The following CIT variants were observed in gnomAD, a reference collection of about 807,000 sequenced individuals.
CIT encodes citron rho-interacting serine/threonine kinase.
In CIT, 79 loss-of-function variants were observed where a neutral mutation model predicts 272.7. The ratio of observed to expected loss-of-function variants is 0.29; its 90% CI spans 0.24 to 0.35. The LOEUF is 0.35. Among genes scored for constraint, CIT ranks in the 10% least tolerant of loss-of-function variants. The pLI is 1.00. For missense variants in CIT, 1,909 were observed against 2,618.3 expected (o/e 0.73, Z 5.91); for synonymous variants, 948 against 995.6 (o/e 0.95, Z 0.90).
intron 20 of CIT, among the ~76,000 whole-genome samples, chr12:119,759,232 C>T (rs1026421332): frequency 1.3e-5 from 2 of 152,222 alleles, no homozygotes; most frequent in African/African-American, 2.4e-5. Flanking sequence ...GGCCAGCGAG[C>T]GAGCATTACT....
At position 119,697,260 on chromosome 12, in the gene CIT, A is replaced by G. The variant is rs1028513913; in HGVS notation, c.5882+399T>C. ...CATGCCTTAATCTCTGATTGCCAGC[A>G]TCTCTCCCACTGGGCTGTGAGTGCC... On this transcript the variant is annotated intron_variant, in intron 46 of 47. Transcript: ENST00000392521. The surrounding 1 kb of genome is among the most constrained non-coding windows in gnomAD (Gnocchi z 4.9). 1.7e-4 allele frequency among the ~76,000 whole-genome samples: 26 copies of G among 151,996 alleles called. No homozygotes were observed. Among genetic ancestry groups the G allele is most frequent in the African/African-American group, 5.3e-4 (22 of 41,390 alleles).
chr12:119,834,038 G>A (rs370347209), intron 6 of CIT, 48 bp downstream of exon 6: 47 of 1,548,778 alleles, frequency 3.0e-5, no homozygotes, highest in Admixed American at 1.2e-4. Flanking sequence ...ACTCTTATGC[G>A]ACACAGGAAA....
chr12:119,815,672 C>T (rs565918126), intron 9 of CIT, among the ~76,000 whole-genome samples: 62 of 152,008 alleles, frequency 4.1e-4, no homozygotes, highest in African/African-American at 1.5e-3. Flanking sequence ...CGCCATTGCA[C>T]TCCAGCCTGG....
At chr12:119,776,333 GC>G in intron 15 of CIT, 24 bp downstream of exon 15, 1 of 1,600,980 alleles carries the variant, frequency 6.2e-7, no homozygotes, top group African/African-American at 1.3e-5. Flanking sequence ...AATATTAATA[GC>G]AAAACCAATC....
chr12:119,843,607 C>T (rs914178087), intron 5 of CIT, among the ~76,000 whole-genome samples: 1 of 151,866 alleles, frequency 6.6e-6, no homozygotes, highest in African/African-American at 2.4e-5. Flanking sequence ...GTCAGGAGTT[C>T]GAGAACAGCC....
At chr12:119,839,392 T>C (rs537128694) in intron 5 of CIT, among the ~76,000 whole-genome samples, 2 of 152,196 alleles carry the variant, frequency 1.3e-5, no homozygotes, top group Admixed American at 1.3e-4. Context: ...CTTGAAATGT[T>C]TGCACGCTCA....
chr12:119,788,739 C>T (rs1037191357), intron 10 of CIT, among the ~76,000 whole-genome samples: 10 of 152,140 alleles, frequency 6.6e-5, no homozygotes, highest in Non-Finnish European at 1.5e-4. Flanking sequence ...AGCCCCCACC[C>T]GCCGGCACTC....
chr12:119,718,570 G>T lies in CIT; in HGVS notation c.4003+129C>A. On this transcript the variant is annotated intron_variant, in intron 31 of 47. Coordinates refer to ENST00000392521, the MANE Select transcript of CIT (RefSeq NM_001206999.2). This position sits in a 1 kb window ranked among gnomAD's most constrained non-coding sequence, Gnocchi z 4.8. The stretch of plus-strand genomic sequence containing the variant: ...GGGGCCATACGTTTTTCAGACATGG[G>T]ATGTCTGGTCTGAAAGCGTATGGGC... 1.4e-6 allele frequency: 2 copies of T among 1,398,888 alleles called. No individual in the cohort carries two copies. The highest frequency in any genetic ancestry group is 2.0e-6 in the Non-Finnish European group (2 of 1,016,868). 86.7% of individuals were successfully genotyped at this position (1,398,888 alleles called of 1,614,324 possible). A position where few individuals can be genotyped will look rare whatever the true frequency, so the allele number is the denominator to read the frequency against.
At chr12:119,827,249 G>C (rs752805863) in intron 7 of CIT, among the ~76,000 whole-genome samples, 2 of 152,022 alleles carry the variant, frequency 1.3e-5, no homozygotes, top group Non-Finnish European at 2.9e-5. Context: ...GAAAATATTT[G>C]GCCTAAGACA....
At chr12:119,813,309 G>A (rs1332565430) in intron 9 of CIT, among the ~76,000 whole-genome samples, 1 of 152,210 alleles carries the variant, frequency 6.6e-6, no homozygotes, top group Non-Finnish European at 1.5e-5. Context: ...AACAGAGTTG[G>A]CTATATTTAT....
rs532768258 is a variant in CIT at position 119,809,943 on chromosome 12, G to A, written c.1112-6554C>T. Among the ~76,000 whole-genome samples, 4 of 152,322 alleles carry A rather than the reference G, an allele frequency of 2.6e-5. No individual in the cohort carries two copies. The South Asian group carries it at 6.2e-4, about 24-fold the overall frequency. On this transcript the variant is annotated intron_variant, in intron 9 of 47. Transcript: ENST00000392521. ...GAACACGTGGAGGTTCCTGGAGGGCGACCAGGGAGGGCGTGGAAGCTCGCA... is the reference window on the plus strand; with the variant it reads ...GAACACGTGGAGGTTCCTGGAGGGCAACCAGGGAGGGCGTGGAAGCTCGCA...
intron 20 of CIT, among the ~76,000 whole-genome samples, chr12:119,759,378 G>A (rs886921167): frequency 6.6e-6 from 1 of 152,304 alleles, no homozygotes; most frequent in African/African-American, 2.4e-5. Context: ...CGGGCGCGGC[G>A]GCTTAGCCTG....
chr12:119,713,016 G>C lies in CIT; in HGVS notation c.4579+187C>G. The C allele has an allele frequency of 1.1e-5, 7 of 639,724 alleles. No homozygotes were observed. Among genetic ancestry groups the C allele is most frequent in the South Asian group, 3.8e-5 (2 of 52,882 alleles). 39.6% of individuals were successfully genotyped at this position (639,724 alleles called of 1,614,324 possible). A position where few individuals can be genotyped will look rare whatever the true frequency, so the allele number is the denominator to read the frequency against. Reference sequence around the variant, plus strand: ...GGGCAGCGCCCTGCGGGTTCTTCAGGGGGGAGACCTATAGATGTGAGTATC... The same window carrying C: ...GGGCAGCGCCCTGCGGGTTCTTCAGCGGGGAGACCTATAGATGTGAGTATC... On this transcript the variant is annotated intron_variant, in intron 35 of 47. Transcript: ENST00000392521. The surrounding 1 kb of genome is among the most constrained non-coding windows in gnomAD (Gnocchi z 5.2).
In CIT at chr12:119,752,123, C is replaced by T. The variant is rs1236060137; in HGVS notation, c.2831G>A (p.Ser944Asn). The T allele has an allele frequency of 1.2e-6, 2 of 1,613,076 alleles. No individual in the cohort carries two copies. Among genetic ancestry groups the T allele is most frequent in the South Asian group, 1.1e-5 (1 of 91,022 alleles). ...ALQAARAALESQLRQAKTELE... is the reference protein window; with the variant it reads ...ALQAARAALENQLRQAKTELE... Reference sequence around the variant, plus strand: ...CTCTGTCTTCGCCTGGCGAAGCTGGCTCTCCAGGGCCGCCCGTGCAGCCTG... The same window carrying T: ...CTCTGTCTTCGCCTGGCGAAGCTGGTTCTCCAGGGCCGCCCGTGCAGCCTG... Residue 944 changes from serine to asparagine, a missense_variant, in exon 23 of 48, where the codon AGC (serine) becomes AAC (asparagine). By Grantham distance (46) the Ser-to-Asn change is conservative (BLOSUM62 1). This residue lies in a region of CIT where 530 missense variants were observed against 822.4 expected (regional missense o/e 0.64). Coordinates refer to ENST00000392521, the MANE Select transcript of CIT (RefSeq NM_001206999.2).
chr12:119,805,224 T>C (rs771845004), intron 9 of CIT, among the ~76,000 whole-genome samples: 1 of 152,230 alleles, frequency 6.6e-6, no homozygotes, highest in Non-Finnish European at 1.5e-5. Flanking sequence ...AAGTGGTTAA[T>C]GGCAATTGTT....
At chr12:119,695,567 G>A (rs550564195) in intron 46 of CIT, among the ~76,000 whole-genome samples, 163 of 152,204 alleles carry the variant, frequency 1.1e-3, no homozygotes, top group Non-Finnish European at 1.8e-3. Context: ...AGGCCAAGGC[G>A]GGCAGATCAC....
rs146348186 is a variant in CIT, at chr12:119,692,104, A to G, written c.5883-1650T>C. On this transcript the variant is annotated intron_variant, in intron 46 of 47. Coordinates refer to ENST00000392521, the MANE Select transcript of CIT (RefSeq NM_001206999.2). ...TTGCTGCTAACATGCTCTGACACCA[A>G]CGTTGGACACATTGGACTTTTGCAG... Among the ~76,000 whole-genome samples the G allele has an allele frequency of 5.0e-3, 768 of 152,268 alleles. 4 individuals carry two copies. The highest frequency in any genetic ancestry group is 8.6e-3 in the Non-Finnish European group (584 of 68,026).
At chr12:119,761,647 T>C (rs1422395387) in intron 19 of CIT, among the ~76,000 whole-genome samples, 1 of 151,900 alleles carries the variant, frequency 6.6e-6, no homozygotes, top group Non-Finnish European at 1.5e-5. Context: ...GGTCAACAGA[T>C]TAAAAAGACA....
rs1203452056 is a variant in CIT at position 119,744,708 on chromosome 12, C to T, written c.2905-2244G>A. On this transcript the variant is annotated intron_variant, in intron 23 of 47. Coordinates refer to ENST00000392521, the MANE Select transcript of CIT (RefSeq NM_001206999.2). ...CCAGCCTGGGCAACAGGGCGAGACT[C>T]CGCCTCAAAAAAAAAAAAAAAAAAA... 4.5e-5 allele frequency among the ~76,000 whole-genome samples: 5 copies of T among 111,704 alleles called. No homozygotes were observed. In the Admixed American group the frequency reaches 4.6e-4, roughly 10 times the overall value. 73.3% of individuals were successfully genotyped at this position (111,704 alleles called of 152,430 possible). A position where few individuals can be genotyped will look rare whatever the true frequency, so the allele number is the denominator to read the frequency against.
Sources: allele counts gnomAD v4.1 joint callset (sites outside exome capture counted in the v4.1 genomes callset), GRCh38; gene constraint gnomAD v4.1.1; regional missense constraint gnomAD v4.1.1; non-coding constraint Gnocchi (gnomAD v3.1); transcripts MANE v1.5; gene names NCBI Gene and HGNC (gene_info 2026-07-23, HGNC 2026-07-21).